Variants in R3HDM4 observed in about 807,000 individuals in gnomAD.
The protein encoded by R3HDM4 is R3H domain-containing protein 4.
In R3HDM4, 30 loss-of-function variants were observed where a neutral mutation model predicts 31.3. The observed-to-expected ratio is 0.96, with a 90% CI of 0.72 to 1.30. R3HDM4 has a LOEUF of 1.30. Among genes scored for constraint, R3HDM4 ranks in the 50% most tolerant of loss-of-function variants. The pLI is 0.00. For missense variants in R3HDM4, 444 were observed against 366.1 expected (o/e 1.21, Z -1.74); for synonymous variants, 196 against 156.6 (o/e 1.25, Z -1.88).
At chr19:912,913 A>G (rs1208514132) in intron 1 of R3HDM4, among the ~76,000 whole-genome samples, 174 bp downstream of exon 1, 1 of 150,048 alleles carries the variant, frequency 6.7e-6, no homozygotes, top group African/African-American at 2.4e-5. Context: ...ACAGCGGGCG[A>G]GAAGGGAAGG....
chr19:905,035 C>T lies in R3HDM4; in HGVS notation c.72-2905G>A, dbSNP rs375031190. On this transcript the variant is annotated intron_variant, in intron 1 of 7. Coordinates refer to ENST00000361574, the MANE Select transcript of R3HDM4 (RefSeq NM_138774.4). ...CACCCTGGCCAACATGGTGAAACCC[C>T]GTCTCTACTAAAAATACAAAAAATA... Among the ~76,000 whole-genome samples, 504 of 152,052 alleles carry T rather than the reference C, an allele frequency of 3.3e-3. 3 individuals carry two copies. The highest frequency in any genetic ancestry group is 0.011 in the African/African-American group (477 of 41,480).
Position 897,195 on chromosome 19 carries a change from C to A in R3HDM4, c.*242G>T, listed in dbSNP as rs1235916721. The A allele has an allele frequency of 4.7e-5, 22 of 471,384 alleles. No individual in the cohort carries two copies. The highest frequency in any genetic ancestry group is 3.9e-4 in the Admixed American group (10 of 25,648). The allele number at this position is 471,384 out of a possible 1,614,324, so 29.2% of individuals were successfully genotyped here. ...ACAGGAACATGCCCAGGTCAGGTCT[C>A]CCCACCCAAACACAAGTCCCGGAGT... On this transcript the variant is annotated 3_prime_UTR_variant, in exon 8 of 8. Coordinates refer to ENST00000361574, the MANE Select transcript of R3HDM4 (RefSeq NM_138774.4).
chr19:898,198 A>C (rs2036765797), intron 7 of R3HDM4, among the ~76,000 whole-genome samples: 1 of 147,202 alleles, frequency 6.8e-6, no homozygotes, highest in African/African-American at 2.5e-5. Flanking sequence ...CCTGGCTAAC[A>C]CAGTGAAACC....
In R3HDM4 at chr19:907,135, A is replaced by G. The variant is rs925314528; in HGVS notation, c.72-5005T>C. ...CGGCCCTCATTATACAGATTTGTAA[A>G]CCAAGGCACAAAGTCACCGCCCAAG... On this transcript the variant is annotated intron_variant, in intron 1 of 7. Transcript: ENST00000361574. The surrounding 1 kb of genome is among the most constrained non-coding windows in gnomAD (Gnocchi z 4.1). Among the ~76,000 whole-genome samples, 7 of 152,096 alleles carry G rather than the reference A, an allele frequency of 4.6e-5. No homozygotes were observed. Among genetic ancestry groups the G allele is most frequent in the Non-Finnish European group, 1.0e-4 (7 of 68,004 alleles).
At chr19:904,856 C>G (rs1336693952) in intron 1 of R3HDM4, among the ~76,000 whole-genome samples, 1 of 152,106 alleles carries the variant, frequency 6.6e-6, no homozygotes, top group Non-Finnish European at 1.5e-5. Context: ...GTAAAGAGTC[C>G]TCAAGCCTTA....
intron 4 of R3HDM4, among the ~76,000 whole-genome samples, 174 bp from the exon 5 acceptor site, chr19:900,320 C>A: frequency 6.6e-6 from 1 of 151,954 alleles, no homozygotes; most frequent in Admixed American, 6.6e-5. Context: ...GACCCTACCC[C>A]CACGAGGCCC....
At chr19:909,094 G>GGCTC (rs1199841632) in intron 1 of R3HDM4, among the ~76,000 whole-genome samples, 2 of 152,244 alleles carry the variant, frequency 1.3e-5, no homozygotes, top group African/African-American at 4.8e-5. Flanking sequence ...CCTGGACCCT[G>GGCTC]AAGGCTCGAG....
In R3HDM4 at chr19:900,825, G is replaced by GCCCC; in HGVS notation, c.475+3_475+4insGGGG. The stretch of plus-strand genomic sequence containing the variant: ...ACCCATACCCGCCCCAGCCAGGCCC[G>GCCCC]CACCTCTCCTCCGGTCCTCCCCACG... On this transcript the variant is annotated splice_donor_region_variant and intron_variant, in intron 4 of 7. Coordinates refer to ENST00000361574, the MANE Select transcript of R3HDM4 (RefSeq NM_138774.4). 1 of 677,286 alleles carries GCCCC rather than the reference G, an allele frequency of 1.5e-6. No homozygotes were observed. The highest frequency in any genetic ancestry group is 2.3e-6 in the Non-Finnish European group (1 of 431,692). 42.0% of individuals were successfully genotyped at this position (677,286 alleles called of 1,614,324 possible). A position where few individuals can be genotyped will look rare whatever the true frequency, so the allele number is the denominator to read the frequency against.
Position 906,237 on chromosome 19 carries a change from TGAG to T in R3HDM4, c.72-4110_72-4108del, listed in dbSNP as rs1287173238. 6.6e-3 allele frequency among the ~76,000 whole-genome samples: 966 copies of T among 145,586 alleles called. 15 individuals are homozygous for T. Among genetic ancestry groups the T allele is most frequent in the African/African-American group, 0.024 (915 of 38,910 alleles). Reference sequence around the variant, plus strand: ...GAGATGGGATTTTTTTTTTTTTTTTTGAGACAGAGTCTCGCTCTGTCGCCCAGG... The same window carrying T: ...GAGATGGGATTTTTTTTTTTTTTTTTACAGAGTCTCGCTCTGTCGCCCAGG... On this transcript the variant is annotated intron_variant, in intron 1 of 7. Transcript: ENST00000361574.
At chr19:903,940 A>G (rs1447244225) in intron 1 of R3HDM4, among the ~76,000 whole-genome samples, 1 of 151,730 alleles carries the variant, frequency 6.6e-6, no homozygotes, top group Non-Finnish European at 1.5e-5. Context: ...AATCCCAGCT[A>G]CTCGGGAGGC....
chr19:898,042 A>G (rs2036763444), intron 7 of R3HDM4, among the ~76,000 whole-genome samples: 1 of 152,012 alleles, frequency 6.6e-6, no homozygotes, highest in Non-Finnish European at 1.5e-5. Flanking sequence ...CCAAGGCAGG[A>G]GGATCATCTG....
intron 1 of R3HDM4, among the ~76,000 whole-genome samples, chr19:910,489 G>A (rs548326806): frequency 2.0e-4 from 30 of 152,052 alleles, no homozygotes; most frequent in Admixed American, 3.3e-4. Context: ...CTACTAGGCC[G>A]GGCGTGGTAG....
intron 1 of R3HDM4, among the ~76,000 whole-genome samples, chr19:904,322 G>A (rs1413133205): frequency 2.6e-5 from 4 of 152,162 alleles, no homozygotes; most frequent in African/African-American, 7.2e-5. Flanking sequence ...CCCACCGCCG[G>A]CACTCACAGC....
intron 1 of R3HDM4, among the ~76,000 whole-genome samples, chr19:903,461 G>A (rs982725776): frequency 2.0e-5 from 3 of 152,042 alleles, no homozygotes; most frequent in Admixed American, 2.0e-4. Flanking sequence ...CAGGGTGGGG[G>A]TAAGCGCGCA....
chr19:900,161 G>T lies in R3HDM4; in HGVS notation c.476-15C>A. The T allele has an allele frequency of 6.5e-7, 1 of 1,547,830 alleles. No individual in the cohort carries two copies. The highest frequency in any genetic ancestry group is 2.1e-4 in the Middle Eastern group (1 of 4,820). On this transcript the variant is annotated splice_polypyrimidine_tract_variant and intron_variant, in intron 4 of 7. Transcript: ENST00000361574. Reference sequence around the variant, plus strand: ...GGCGGGGTCCTCTGCAGGAGTGGGGGAACAAGGGGCAGTCTTGGGGTGCTC... The same window carrying T: ...GGCGGGGTCCTCTGCAGGAGTGGGGTAACAAGGGGCAGTCTTGGGGTGCTC...
In R3HDM4 at chr19:896,820, A is replaced by G; in HGVS notation, c.*617T>C. 6.6e-6 allele frequency: 1 copy of G among 152,558 alleles called. No homozygotes were observed. Among genetic ancestry groups the G allele is most frequent in the Non-Finnish European group, 1.5e-5 (1 of 68,054 alleles). 9.5% of individuals were successfully genotyped at this position (152,558 alleles called of 1,614,324 possible). Reference sequence around the variant, plus strand: ...AGCCCCGACACAGGTGGCGTGGGGGAGGACACGCAGAATGACGAGGATAAA... The same window carrying G: ...AGCCCCGACACAGGTGGCGTGGGGGGGGACACGCAGAATGACGAGGATAAA... On this transcript the variant is annotated 3_prime_UTR_variant, in exon 8 of 8. Coordinates refer to ENST00000361574, the MANE Select transcript of R3HDM4 (RefSeq NM_138774.4). This position sits in a 1 kb window ranked among gnomAD's most constrained non-coding sequence, Gnocchi z 4.0.
rs751997535 is a variant in R3HDM4 at position 899,629 on chromosome 19, C to T, written c.619G>A (p.Ala207Thr). The change falls in exon 6 of 8, where the codon GCC becomes ACC. Residue 207 changes from alanine to threonine, a missense_variant. Transcript: ENST00000361574. The surrounding 1 kb of genome is among the most constrained non-coding windows in gnomAD (Gnocchi z 6.8). ...LLRFFSVSPQ[A>T]VYTAMLDNSF... is the part of the protein sequence containing the mutation. ...TTGTCTAGCATTGCTGTGTACACGG[C>T]CTGGGGGGACACGGAGAAGAACCGA... 3 of 1,609,484 alleles carry T rather than the reference C, an allele frequency of 1.9e-6. No individual in the cohort carries two copies. Among genetic ancestry groups the T allele is most frequent in the Non-Finnish European group, 1.7e-6 (2 of 1,178,006 alleles).
At chr19:904,141 G>A (rs762940933) in intron 1 of R3HDM4, among the ~76,000 whole-genome samples, 3 of 152,136 alleles carry the variant, frequency 2.0e-5, no homozygotes, top group Non-Finnish European at 4.4e-5. Context: ...CCAGGGTCTG[G>A]GGGTACCAGG....
chr19:910,866 T>C (rs1238073064), intron 1 of R3HDM4, among the ~76,000 whole-genome samples: 2 of 152,278 alleles, frequency 1.3e-5, no homozygotes, highest in East Asian at 3.9e-4. Context: ...ACGCCTGTAA[T>C]CCCAGCACTT....
Sources: gnomAD v4.1 joint callset for allele counts (sites outside exome capture counted in the v4.1 genomes callset) on GRCh38, gnomAD v4.1.1 for gene constraint, Gnocchi (gnomAD v3.1) non-coding constraint, MANE v1.5 for transcripts, NCBI Gene and HGNC (gene_info 2026-07-23, HGNC 2026-07-21) for gene names.